C2CD3: variants seen among roughly 807,000 people sequenced by gnomAD.
C2CD3 encodes C2 domain-containing protein 3.
C2CD3 carries 148 observed loss-of-function variants against 234.0 expected under a neutral mutation model. That is an observed-to-expected ratio of 0.63 (90% CI 0.55 to 0.72). The LOEUF (loss-of-function observed/expected upper bound fraction) is 0.72. C2CD3 is among the 30% of genes least tolerant of loss of function. C2CD3 has a pLI of 0.00. For missense variants in C2CD3, 2,577 were observed against 2,811.5 expected, an observed-to-expected ratio of 0.92 and a Z score of 1.89; for synonymous variants, 1,000 against 1,035.4, an observed-to-expected ratio of 0.97 and a Z score of 0.66.
chr11:74,089,035 A>G (rs189174513), intron 20 of C2CD3, among the ~76,000 whole-genome samples: 3 of 152,196 alleles, frequency 2.0e-5, no homozygotes, highest in Admixed American at 2.0e-4. Flanking sequence ...TTTGTATATG[A>G]GTATAGCAGT....
rs192851296 is a variant in C2CD3, at chr11:74,068,114, C to T, written c.4951+6139G>A. Among the ~76,000 whole-genome samples, 4 of 152,270 alleles carry T rather than the reference C, an allele frequency of 2.6e-5. No homozygotes were observed. The East Asian group carries it at 7.7e-4, about 29-fold the overall frequency. On this transcript the variant is annotated intron_variant, in intron 24 of 32. Coordinates refer to ENST00000334126, the MANE Select transcript of C2CD3 (RefSeq NM_001286577.2). Reference sequence around the variant, plus strand: ...TCCCTCCTAGAAGTTTAGCCTAGAGCTCACTCCTCTAGCCCTTCTAATGAC... The same window carrying T: ...TCCCTCCTAGAAGTTTAGCCTAGAGTTCACTCCTCTAGCCCTTCTAATGAC...
intron 7 of C2CD3, among the ~76,000 whole-genome samples, chr11:74,125,078 T>TA (rs1208270706): frequency 6.6e-6 from 1 of 152,202 alleles, no homozygotes; most frequent in Non-Finnish European, 1.5e-5. Context: ...AGGCTTATAA[T>TA]AAAAAACAGT....
At chr11:74,057,367 C>T in intron 25 of C2CD3, 39 bp downstream of exon 25, 1 of 1,611,238 alleles carries the variant, frequency 6.2e-7, no homozygotes, top group South Asian at 1.1e-5. Flanking sequence ...GAACAAAAAG[C>T]AGATTCTGGA....
intron 22 of C2CD3, among the ~76,000 whole-genome samples, chr11:74,080,139 T>C (rs1955277030): frequency 6.6e-6 from 1 of 152,220 alleles, no homozygotes; most frequent in African/African-American, 2.4e-5. Context: ...TTTGGCATTA[T>C]ATAAAACATT....
intron 30 of C2CD3, among the ~76,000 whole-genome samples, chr11:74,036,965 C>T (rs1175667842): frequency 2.8e-4 from 42 of 152,112 alleles, no homozygotes; most frequent in Admixed American, 2.8e-3. Context: ...AAGTGAGAAC[C>T]ACTGCTCCAA....
chr11:74,049,901 C>A (rs1953593539), intron 26 of C2CD3, among the ~76,000 whole-genome samples: 1 of 137,430 alleles, frequency 7.3e-6, no homozygotes, highest in Non-Finnish European at 1.5e-5. Context: ...CCTCTTCAGT[C>A]TCCCAAGTAG....
In C2CD3 at chr11:74,078,303, C is replaced by G; in HGVS notation, c.4415G>C (p.Arg1472Thr). 1 of 1,614,178 alleles carries G rather than the reference C, an allele frequency of 6.2e-7. No individual in the cohort carries two copies. The highest frequency in any genetic ancestry group is 8.5e-7 in the Non-Finnish European group (1 of 1,180,034). ...QIMVTFKASK[R>T]AEVTRGPSLL... ...TGATGGGCCCCTGGTGACTTCTGCT[C>G]TTTTGGATGCCTTGAAAGTGACCAT... The change falls in exon 23 of 33, where the codon AGA (arginine) becomes ACA (threonine). Residue 1472 changes from arginine (R) to threonine (T), a missense_variant. Physicochemically the swap from Arg to Thr is moderately conservative, Grantham distance 71. Transcript: ENST00000334126.
chr11:74,130,536 A>G (rs1005623892), intron 7 of C2CD3, among the ~76,000 whole-genome samples: 1 of 151,892 alleles, frequency 6.6e-6, no homozygotes, highest in African/African-American at 2.4e-5. Context: ...CCTGGTCCCA[A>G]CTTCTTTTTT....
At chr11:74,065,623 T>C (rs1470628762) in intron 24 of C2CD3, among the ~76,000 whole-genome samples, 1 of 152,186 alleles carries the variant, frequency 6.6e-6, no homozygotes. Context: ...CGTATGTTTA[T>C]TGTGGCACTA....
At position 74,030,115 on chromosome 11, in the gene C2CD3, GAAAC is replaced by G. The variant is rs372677263; in HGVS notation, c.6810-1721_6810-1718del. On this transcript the variant is annotated intron_variant, in intron 31 of 32. Transcript: ENST00000334126. ...AAAATGTTCAAGTTTCCCATTTAGG[GAAAC>G]AAACAAACAACCCCCTGACCTTGCA... Among the ~76,000 whole-genome samples the G allele has an allele frequency of 1.2e-3, 180 of 152,072 alleles. 2 individuals are homozygous for G. Among genetic ancestry groups the G allele is most frequent in the Admixed American group, 8.3e-3 (127 of 15,262 alleles).
intron 24 of C2CD3, among the ~76,000 whole-genome samples, chr11:74,065,272 T>C (rs994137604): frequency 1.3e-5 from 2 of 152,132 alleles, no homozygotes; most frequent in African/African-American, 4.8e-5. Context: ...CAGACACTTC[T>C]CAAAAGAAGA....
intron 8 of C2CD3, among the ~76,000 whole-genome samples, chr11:74,122,013 GAC>G (rs1317282969): frequency 6.6e-6 from 1 of 152,194 alleles, no homozygotes; most frequent in Non-Finnish European, 1.5e-5. Context: ...AGGGTTGCCA[GAC>G]ACAGATTCCT....
chr11:74,022,634 C>G (rs1056453532), intron 32 of C2CD3, among the ~76,000 whole-genome samples: 1 of 151,904 alleles, frequency 6.6e-6, no homozygotes. Context: ...TCGTCAACCT[C>G]TCTCCTCCCC....
At chr11:74,146,975 C>T (rs1855248854) in intron 3 of C2CD3, among the ~76,000 whole-genome samples, 1 of 151,968 alleles carries the variant, frequency 6.6e-6, no homozygotes, top group Non-Finnish European at 1.5e-5. Context: ...ATTGCTTGAA[C>T]CTGGGGCGGA....
chr11:74,036,827 C>T (rs1015266016), intron 30 of C2CD3, among the ~76,000 whole-genome samples: 9 of 152,180 alleles, frequency 5.9e-5, no homozygotes, highest in African/African-American at 2.2e-4. Context: ...TGTCTACACA[C>T]TAGAATTACC....
intron 24 of C2CD3, among the ~76,000 whole-genome samples, chr11:74,071,954 A>C (rs1025319222): frequency 2.0e-5 from 3 of 152,060 alleles, no homozygotes; most frequent in African/African-American, 7.2e-5. Flanking sequence ...ACAATATGGG[A>C]ATTCTCCTAA....
chr11:74,095,001 G>A (rs1956053883), intron 17 of C2CD3, among the ~76,000 whole-genome samples: 1 of 151,988 alleles, frequency 6.6e-6, no homozygotes, highest in South Asian at 2.1e-4. Flanking sequence ...GTATACCAAA[G>A]TTCTTTGTAC....
At chr11:74,044,106 T>C (rs1019446874) in intron 28 of C2CD3, among the ~76,000 whole-genome samples, 1 of 151,978 alleles carries the variant, frequency 6.6e-6, no homozygotes, top group Non-Finnish European at 1.5e-5. Context: ...CCTCCCCAAG[T>C]GCTGGGATTA....
chr11:74,112,867 T>C (rs990591945), intron 11 of C2CD3, among the ~76,000 whole-genome samples: 1 of 152,240 alleles, frequency 6.6e-6, no homozygotes, highest in African/African-American at 2.4e-5. Flanking sequence ...GTGCAGCCAC[T>C]GTTGAAAACA....
Sources: allele counts gnomAD v4.1 joint callset (sites outside exome capture counted in the v4.1 genomes callset), GRCh38; gene constraint gnomAD v4.1.1; transcripts MANE v1.5; gene names NCBI Gene and HGNC (gene_info 2026-07-23, HGNC 2026-07-21).